EGFLAM: variants seen among roughly 807,000 people sequenced by gnomAD.
EGFLAM encodes the protein pikachurin.
In EGFLAM, 79 loss-of-function variants were observed where a neutral mutation model predicts 113.1. That is an observed-to-expected ratio of 0.70 (90% CI 0.58 to 0.84). The LOEUF (loss-of-function observed/expected upper bound fraction) is 0.84, where lower values mean the gene tolerates loss of function less well. Ranked by LOEUF, EGFLAM falls within the 40% of genes least tolerant of loss-of-function variation. EGFLAM has a pLI of 0.00. For synonymous variants in EGFLAM, 504 were observed against 487.6 expected (o/e 1.03, Z -0.44); for missense variants, 1,265 against 1,291.6 (o/e 0.98, Z 0.32).
At position 38,352,297 on chromosome 5, in the gene EGFLAM, G is replaced by C; in HGVS notation, c.511G>C (p.Ala171Pro). 6.2e-7 allele frequency: 1 copy of C among 1,614,032 alleles called. No individual in the cohort carries two copies. Among genetic ancestry groups the C allele is most frequent in the Non-Finnish European group, 8.5e-7 (1 of 1,179,998 alleles). Reference sequence around the variant, plus strand: ...GAAACCTGGAGCGAGTGAAGGAAGCGCCCCTATTCAGTACTATTCTGTGGA... The same window carrying C: ...GAAACCTGGAGCGAGTGAAGGAAGCCCCCCTATTCAGTACTATTCTGTGGA... ...SWKPGASEGS[A>P]PIQYYSVEFI... The change falls in exon 5 of 22, where the codon GCC (alanine) becomes CCC (proline). Residue 171 changes from alanine to proline, a missense_variant. Physicochemically the swap from Ala to Pro is conservative, Grantham distance 27 (BLOSUM62 -1). Coordinates refer to ENST00000322350, the MANE Select transcript of EGFLAM (RefSeq NM_152403.4).
rs374420505 is a variant in EGFLAM at position 38,396,555 on chromosome 5, G to T, written c.713-9571G>T. On this transcript the variant is annotated intron_variant, in intron 6 of 21. Transcript: ENST00000322350. ...ACTCACTCACTCATCTAACAAATACGTATTGGGTGCCTGCTGTGTACATAG... is the reference window on the plus strand; with the variant it reads ...ACTCACTCACTCATCTAACAAATACTTATTGGGTGCCTGCTGTGTACATAG... Among the ~76,000 whole-genome samples the T allele has an allele frequency of 2.6e-5, 4 of 152,280 alleles. No homozygotes were observed. The South Asian group carries it at 8.3e-4, about 32-fold the overall frequency.
chr5:38,424,511 T>G (rs1399556234), intron 12 of EGFLAM, among the ~76,000 whole-genome samples: 1 of 152,222 alleles, frequency 6.6e-6, no homozygotes, highest in African/African-American at 2.4e-5. Context: ...CCTACCTTGC[T>G]TGTCTCAACT....
At chr5:38,379,141 T>A (rs1740442842) in intron 6 of EGFLAM, among the ~76,000 whole-genome samples, 1 of 152,192 alleles carries the variant, frequency 6.6e-6, no homozygotes, top group Non-Finnish European at 1.5e-5. Flanking sequence ...GGAAGCCCTC[T>A]GAGTGAGGTC....
intron 7 of EGFLAM, 83 bp from the exon 8 acceptor site, chr5:38,406,745 G>C (rs1214177389): frequency 2.7e-5 from 37 of 1,354,768 alleles, no homozygotes; most frequent in Non-Finnish European, 3.7e-5. Context: ...ATGTTTTCAA[G>C]TACTAGGCAA....
At chr5:38,433,562 A>G (rs183927492) in intron 15 of EGFLAM, among the ~76,000 whole-genome samples, 1 of 152,252 alleles carries the variant, frequency 6.6e-6, no homozygotes, top group African/African-American at 2.4e-5. Context: ...CTGCATGACG[A>G]TTTTGATGAG....
At chr5:38,400,717 A>G (rs888812345) in intron 6 of EGFLAM, among the ~76,000 whole-genome samples, 1 of 152,140 alleles carries the variant, frequency 6.6e-6, no homozygotes, top group East Asian at 1.9e-4. Flanking sequence ...ATCCTGGATT[A>G]TTATGAGAGA....
intron 1 of EGFLAM, among the ~76,000 whole-genome samples, chr5:38,309,386 CAG>C (rs1430992153): frequency 1.3e-5 from 2 of 152,174 alleles, no homozygotes; most frequent in Non-Finnish European, 2.9e-5. Context: ...GACATGCAAA[CAG>C]TAATGAAAAC....
intron 12 of EGFLAM, among the ~76,000 whole-genome samples, chr5:38,418,732 G>T (rs770888186): frequency 2.0e-5 from 3 of 152,182 alleles, no homozygotes; most frequent in Admixed American, 6.5e-5. Flanking sequence ...TCACACTAAC[G>T]CTAAGAGGTA....
chr5:38,437,310 G>C (rs767503143), intron 16 of EGFLAM, among the ~76,000 whole-genome samples: 1 of 152,160 alleles, frequency 6.6e-6, no homozygotes, highest in Admixed American at 6.5e-5. Context: ...AGGGAAGGAG[G>C]ATAGCAGGAG....
At chr5:38,349,952 TACACAC>T (rs60439871) in intron 3 of EGFLAM, among the ~76,000 whole-genome samples, 24,177 of 144,086 alleles carry the variant, frequency 0.17, 3,566 homozygotes, top group African/African-American at 0.42. Context: ...GCAGGGGAAG[TACACAC>T]ACACACACAC....
At chr5:38,297,314 T>C (rs560616466) in intron 1 of EGFLAM, among the ~76,000 whole-genome samples, 1 of 152,282 alleles carries the variant, frequency 6.6e-6, no homozygotes, top group Non-Finnish European at 1.5e-5. Context: ...GCTTAAAAAA[T>C]TAAAGATAAT....
chr5:38,368,816 G>C (rs1401534874), intron 5 of EGFLAM, among the ~76,000 whole-genome samples: 1 of 152,014 alleles, frequency 6.6e-6, no homozygotes, highest in African/African-American at 2.4e-5. Context: ...GTGACCTTGG[G>C]CAAGTTACTT....
At chr5:38,259,719 A>C (rs1043858180) in intron 1 of EGFLAM, among the ~76,000 whole-genome samples, 2 of 152,200 alleles carry the variant, frequency 1.3e-5, no homozygotes, top group African/African-American at 4.8e-5. Flanking sequence ...TTTGTAAGGG[A>C]GGTTGTCTTA....
intron 19 of EGFLAM, 56 bp downstream of exon 19, chr5:38,451,514 A>G: frequency 1.3e-6 from 2 of 1,589,022 alleles, no homozygotes; most frequent in South Asian, 2.3e-5. Flanking sequence ...CAGACATTGC[A>G]GATCATGCCA....
At chr5:38,343,668 C>T (rs1045174542) in intron 3 of EGFLAM, among the ~76,000 whole-genome samples, 8 of 152,202 alleles carry the variant, frequency 5.3e-5, no homozygotes, top group African/African-American at 1.7e-4. Flanking sequence ...TCTGCACAGC[C>T]GTCCTCAGTG....
chr5:38,408,016 G>A, intron 9 of EGFLAM, 111 bp downstream of exon 9: 1 of 754,582 alleles, frequency 1.3e-6, no homozygotes, highest in Non-Finnish European at 2.2e-6. Context: ...AGCGACGAAA[G>A]GTAAATATGA....
rs1478418445 is a variant in EGFLAM at position 38,409,015 on chromosome 5, G to A, written c.1260G>A (p.Glu420=). ...TTGTATAATCACAGGCGGAGGCAGA[G>A]GATGGCTTACTGCTCTACTGTGGGG... is the stretch of plus-strand genomic sequence containing the variant. The part of the protein sequence containing the change: ...QITLEFRAEA[E]DGLLLYCGEN... Residue 420 remains glutamate (E), a synonymous_variant, in exon 10 of 22, where the codon GAG becomes GAA. Transcript: ENST00000322350. 3.1e-6 allele frequency: 5 copies of A among 1,590,824 alleles called. No homozygotes were observed. The highest frequency in any genetic ancestry group is 2.7e-5 in the African/African-American group (2 of 74,504).
intron 1 of EGFLAM, among the ~76,000 whole-genome samples, chr5:38,279,384 G>T (rs746532749): frequency 2.0e-5 from 3 of 152,146 alleles, no homozygotes; most frequent in Non-Finnish European, 4.4e-5. Flanking sequence ...AAAAGGAAAT[G>T]AAATCAGTAC....
intron 18 of EGFLAM, among the ~76,000 whole-genome samples, chr5:38,449,282 G>A (rs1011457295): frequency 1.3e-5 from 2 of 152,150 alleles, no homozygotes; most frequent in Admixed American, 1.3e-4. Flanking sequence ...GGCTTTTCAG[G>A]GAACAAAATG....
Sources: allele counts gnomAD v4.1 joint callset (sites outside exome capture counted in the v4.1 genomes callset), GRCh38; gene constraint gnomAD v4.1.1; transcripts MANE v1.5; gene names NCBI Gene and HGNC (gene_info 2026-07-23, HGNC 2026-07-21).